RAB2A: variants seen among roughly 807,000 people sequenced by gnomAD.
RAB2A encodes the protein ras-related protein Rab-2A.
Under a neutral mutation model 32.5 loss-of-function variants are expected in RAB2A, and 7 were observed. The observed-to-expected ratio is 0.22, with a 90% CI of 0.12 to 0.40. The LOEUF (loss-of-function observed/expected upper bound fraction) is 0.40, where lower values mean the gene tolerates loss of function less well. Among genes scored for constraint, RAB2A ranks in the 10% least tolerant of loss-of-function variants. The pLI, the probability that RAB2A is intolerant of heterozygous loss-of-function variation, is 1.00. For missense variants in RAB2A, 108 were observed against 260.7 expected (o/e 0.41, Z 4.03); for synonymous variants, 79 against 85.2 (o/e 0.93, Z 0.40).
intron 4 of RAB2A, 63 bp downstream of exon 4, chr8:60,584,353 G>A: frequency 7.4e-7 from 1 of 1,352,014 alleles, no homozygotes; most frequent in Non-Finnish European, 1.1e-6. Flanking sequence ...AATAGATGTG[G>A]TTAACAGTAA....
intron 1 of RAB2A, among the ~76,000 whole-genome samples, chr8:60,536,660 C>A (rs944377769): frequency 6.6e-6 from 1 of 152,184 alleles, no homozygotes; most frequent in East Asian, 1.9e-4. Flanking sequence ...CTTTTAAAAA[C>A]ATTTCTCTTT....
At chr8:60,521,179 T>C (rs774851047) in intron 1 of RAB2A, among the ~76,000 whole-genome samples, 4 of 152,222 alleles carry the variant, frequency 2.6e-5, no homozygotes, top group Non-Finnish European at 4.4e-5. Context: ...GATGCCAGGG[T>C]ACACCATTGA....
At chr8:60,556,909 T>G (rs1174529206) in intron 1 of RAB2A, among the ~76,000 whole-genome samples, 1 of 152,180 alleles carries the variant, frequency 6.6e-6, no homozygotes, top group Admixed American at 6.5e-5. Context: ...CTATACCATA[T>G]GAAAAAATTG....
intron 6 of RAB2A, among the ~76,000 whole-genome samples, chr8:60,604,506 T>G (rs937969841): frequency 5.3e-5 from 8 of 152,130 alleles, no homozygotes; most frequent in African/African-American, 1.9e-4. Flanking sequence ...TAGAGACTGC[T>G]TGAATTGTGA....
intron 1 of RAB2A, among the ~76,000 whole-genome samples, chr8:60,529,603 A>G (rs950635787): frequency 6.6e-6 from 1 of 152,154 alleles, no homozygotes; most frequent in Non-Finnish European, 1.5e-5. Context: ...TATTTGGTTC[A>G]TACTTGCTTT....
chr8:60,611,169 T>G (rs1414201614), intron 6 of RAB2A, among the ~76,000 whole-genome samples: 1 of 152,208 alleles, frequency 6.6e-6, no homozygotes, highest in Admixed American at 6.5e-5. Flanking sequence ...TGCTCTGGAC[T>G]CCTCAGTCTC....
rs1390840275 is a variant in RAB2A at position 60,573,497 on chromosome 8, A to C, written c.186+1384A>C. Reference sequence around the variant, plus strand: ...CAGTTTTCCCTTAAATGATAACCGTACATCTCTGTCTTGCCTTGTCCTTGA... The same window carrying C: ...CAGTTTTCCCTTAAATGATAACCGTCCATCTCTGTCTTGCCTTGTCCTTGA... On this transcript the variant is annotated intron_variant, in intron 3 of 7. Coordinates refer to ENST00000262646, the MANE Select transcript of RAB2A (RefSeq NM_002865.3). 3.3e-5 allele frequency among the ~76,000 whole-genome samples: 5 copies of C among 152,270 alleles called. No homozygotes were observed. In the East Asian group the frequency reaches 9.7e-4, roughly 29 times the overall value.
rs531143485 is a variant in RAB2A, at chr8:60,622,689, A to G, written c.*1920A>G. The G allele has an allele frequency of 6.6e-6, 1 of 152,330 alleles. No individual in the cohort carries two copies. The highest frequency in any genetic ancestry group is 6.5e-5 in the Admixed American group (1 of 15,302). The allele number at this position is 152,330 out of a possible 1,614,324, so 9.4% of individuals were successfully genotyped here. On this transcript the variant is annotated 3_prime_UTR_variant, in exon 8 of 8. Transcript: ENST00000262646. ...CTAATTCTTTTATTTGAAGAAGAGAACTTAATGGCAAATAAACAACAAACC... is the reference window on the plus strand; with the variant it reads ...CTAATTCTTTTATTTGAAGAAGAGAGCTTAATGGCAAATAAACAACAAACC...
chr8:60,532,998 A>G (rs756387543), intron 1 of RAB2A, among the ~76,000 whole-genome samples: 2 of 152,268 alleles, frequency 1.3e-5, no homozygotes, highest in Non-Finnish European at 2.9e-5. Context: ...ACAGAATCCA[A>G]AATGACCTTG....
Position 60,517,081 on chromosome 8 carries a change from ACAGCAG to A in RAB2A, c.-122_-117del. Reference sequence around the variant, plus strand: ...CACAGCCCCTCACTCCCGGCGGCTGACAGCAGCAGCGGCGGCGGCGGGCGGCGCCTG... The same window carrying A: ...CACAGCCCCTCACTCCCGGCGGCTGACAGCGGCGGCGGCGGGCGGCGCCTG... On this transcript the variant is annotated 5_prime_UTR_variant, in exon 1 of 8. Transcript: ENST00000262646. The A allele has an allele frequency of 2.0e-6, 2 of 998,856 alleles. No homozygotes were observed. The highest frequency in any genetic ancestry group is 2.8e-6 in the Non-Finnish European group (2 of 722,778). The allele number at this position is 998,856 out of a possible 1,614,324, so 61.9% of individuals were successfully genotyped here.
At chr8:60,541,380 T>A (rs1004880599) in intron 1 of RAB2A, among the ~76,000 whole-genome samples, 2 of 151,998 alleles carry the variant, frequency 1.3e-5, no homozygotes, top group African/African-American at 4.8e-5. Context: ...AGGGAAAAAA[T>A]TAGAACTTTA....
At chr8:60,596,747 C>A (rs948724753) in intron 6 of RAB2A, among the ~76,000 whole-genome samples, 1 of 152,022 alleles carries the variant, frequency 6.6e-6, no homozygotes, top group African/African-American at 2.4e-5. Context: ...GGGTGAAACC[C>A]CATCTGTATT....
At chr8:60,605,832 CATATATACAT>C (rs1232650353) in intron 6 of RAB2A, among the ~76,000 whole-genome samples, 3 of 120,810 alleles carry the variant, frequency 2.5e-5, no homozygotes, top group African/African-American at 1.1e-4. Flanking sequence ...GGGACTAATA[CATATATACAT>C]ATATATATAT....
At chr8:60,605,415 C>A (rs1412410110) in intron 6 of RAB2A, among the ~76,000 whole-genome samples, 1 of 152,210 alleles carries the variant, frequency 6.6e-6, no homozygotes, top group Admixed American at 6.5e-5. Context: ...TGGGGCACCA[C>A]CTAGTGCAGC....
chr8:60,560,419 A>G (rs1808004512), intron 2 of RAB2A, among the ~76,000 whole-genome samples: 1 of 152,084 alleles, frequency 6.6e-6, no homozygotes, highest in South Asian at 2.1e-4. Flanking sequence ...TGCCCTCTCT[A>G]TAGGATTTGC....
intron 1 of RAB2A, among the ~76,000 whole-genome samples, chr8:60,537,340 GC>G (rs962665238): frequency 6.1e-4 from 93 of 152,098 alleles, no homozygotes; most frequent in African/African-American, 2.1e-3. Flanking sequence ...TCGTGCCCCA[GC>G]CTCCCAAGTA....
At chr8:60,619,808 C>T (rs183427357) in intron 7 of RAB2A, among the ~76,000 whole-genome samples, 54 of 152,326 alleles carry the variant, frequency 3.5e-4, no homozygotes, top group African/African-American at 1.2e-3. Context: ...GCCAACAGGC[C>T]GTGCTATTTA....
chr8:60,596,534 CAT>C (rs746876595), intron 6 of RAB2A, among the ~76,000 whole-genome samples: 61 of 152,218 alleles, frequency 4.0e-4, no homozygotes, highest in Non-Finnish European at 6.5e-4. Context: ...GGCCAACAAA[CAT>C]ATGAAAACTC....
At chr8:60,554,753 T>C (rs1012061487) in intron 1 of RAB2A, among the ~76,000 whole-genome samples, 1 of 152,016 alleles carries the variant, frequency 6.6e-6, no homozygotes, top group Admixed American at 6.5e-5. Flanking sequence ...CTCAGGAGGC[T>C]GAGGCAGGAG....
Sources: allele counts gnomAD v4.1 joint callset (sites outside exome capture counted in the v4.1 genomes callset), GRCh38; gene constraint gnomAD v4.1.1; transcripts MANE v1.5; gene names NCBI Gene and HGNC (gene_info 2026-07-23, HGNC 2026-07-21).